The following POU2F1 variants were observed in gnomAD, a reference collection of about 807,000 sequenced individuals.
POU2F1 encodes the protein POU domain, class 2, transcription factor 1.
Under a neutral mutation model 84.9 loss-of-function variants are expected in POU2F1, and 16 were observed. The ratio of observed to expected loss-of-function variants is 0.19; its 90% CI spans 0.13 to 0.29. The LOEUF is 0.29. Among genes scored for constraint, POU2F1 ranks in the 10% least tolerant of loss-of-function variants. The pLI is 1.00. For missense variants in POU2F1, 738 were observed against 942.6 expected (o/e 0.78, Z 2.84); for synonymous variants, 368 against 368.3 (o/e 1.00, Z 0.01).
At position 167,374,290 on chromosome 1, in the gene POU2F1, C is replaced by A. The variant is rs562014026; in HGVS notation, c.585C>A (p.Ile195=). 3.2e-6 allele frequency: 5 copies of A among 1,582,896 alleles called. No individual in the cohort carries two copies. Among genetic ancestry groups the A allele is most frequent in the Non-Finnish European group, 4.3e-6 (5 of 1,165,398 alleles). ...TQIPLSQPIQ[I]AQDLQQLQQL... ...TCCCCCTGTCTCAGCCCATACAGATCGCACAGGTGAGTGAGGAACTCCAAT... is the reference window on the plus strand; with the variant it reads ...TCCCCCTGTCTCAGCCCATACAGATAGCACAGGTGAGTGAGGAACTCCAAT... Residue 195 remains isoleucine, a synonymous_variant, in exon 6 of 16, where the codon ATC becomes ATA. Transcript: ENST00000367866.
Position 167,311,842 on chromosome 1 carries a change from G to A in POU2F1, c.62-20628G>A, listed in dbSNP as rs183392783. On this transcript the variant is annotated intron_variant, in intron 1 of 15. Coordinates refer to ENST00000367866, the MANE Select transcript of POU2F1 (RefSeq NM_002697.4). ...TTTGGAGACAGAGTCTTGCTCTGTC[G>A]CCTAGGCTGGAGTGCATTGGTGCAA... Among the ~76,000 whole-genome samples, 1,019 of 149,728 alleles carry A rather than the reference G, an allele frequency of 6.8e-3. 5 individuals carry two copies. The highest frequency in any genetic ancestry group is 0.014 in the Middle Eastern group (4 of 290).
Position 167,412,047 on chromosome 1 carries a change from T to C in POU2F1, c.1644T>C (p.Ser548=). Residue 548 remains serine (S), a synonymous_variant, in exon 14 of 16, where the codon AGT becomes AGC. Transcript: ENST00000367866. ...CAGCAGTCACGTCCCCCTCTCTGAG[T>C]CCCTCCCCTTCTGCCTCAGCCTCCA... ...ASSAVTSPSL[S]PSPSASASTS... is the part of the protein sequence containing the mutation. 6.2e-7 allele frequency: 1 copy of C among 1,614,040 alleles called. No individual in the cohort carries two copies.
At chr1:167,246,689 GT>G (rs1650343456) in intron 1 of POU2F1, among the ~76,000 whole-genome samples, 1 of 152,170 alleles carries the variant, frequency 6.6e-6, no homozygotes, top group African/African-American at 2.4e-5. Context: ...AACCTGTGCA[GT>G]CTTTTTGTAG....
intron 1 of POU2F1, among the ~76,000 whole-genome samples, chr1:167,261,714 C>G (rs1461526900): frequency 6.6e-6 from 1 of 152,166 alleles, no homozygotes; most frequent in Non-Finnish European, 1.5e-5. Flanking sequence ...GAGTCTTGCT[C>G]TGTTGCCCAG....
In POU2F1 at chr1:167,421,125, A is replaced by G. The variant is rs901024459; in HGVS notation, c.*5315A>G. 1 of 152,334 alleles carries G rather than the reference A, an allele frequency of 6.6e-6. No homozygotes were observed. The highest frequency in any genetic ancestry group is 6.5e-5 in the Admixed American group (1 of 15,304). The allele number at this position is 152,334 out of a possible 1,614,324, so 9.4% of individuals were successfully genotyped here. On this transcript the variant is annotated 3_prime_UTR_variant, in exon 16 of 16. Transcript: ENST00000367866. Reference sequence around the variant, plus strand: ...ATTTGATGTCATTTTCAGTTTTACAACATTTTGAGGATGACACTTTATAAA... The same window carrying G: ...ATTTGATGTCATTTTCAGTTTTACAGCATTTTGAGGATGACACTTTATAAA...
At chr1:167,244,854 C>T (rs1650194014) in intron 1 of POU2F1, among the ~76,000 whole-genome samples, 1 of 152,164 alleles carries the variant, frequency 6.6e-6, no homozygotes, top group South Asian at 2.1e-4. Context: ...AGGATAAGAT[C>T]TTGGGCCTTG....
chr1:167,340,225 A>G (rs1435006439), intron 2 of POU2F1, among the ~76,000 whole-genome samples: 3 of 150,522 alleles, frequency 2.0e-5, no homozygotes, highest in Non-Finnish European at 3.0e-5. Context: ...GATTACAGGC[A>G]TGCAACCACC....
At chr1:167,306,461 TATA>T (rs1363390888) in intron 1 of POU2F1, among the ~76,000 whole-genome samples, 4 of 152,206 alleles carry the variant, frequency 2.6e-5, no homozygotes, top group Non-Finnish European at 5.9e-5. Context: ...TTTATCAAGA[TATA>T]ATACCTTTAT....
intron 1 of POU2F1, among the ~76,000 whole-genome samples, chr1:167,304,045 A>G (rs1186635966): frequency 1.3e-5 from 2 of 152,206 alleles, no homozygotes; most frequent in African/African-American, 2.4e-5. Flanking sequence ...GTAACTTGCG[A>G]AAGAAATTCA....
At chr1:167,385,526 A>G (rs1301255120) in intron 8 of POU2F1, among the ~76,000 whole-genome samples, 2 of 152,184 alleles carry the variant, frequency 1.3e-5, no homozygotes, top group Non-Finnish European at 2.9e-5. Context: ...TATATGGCCA[A>G]CTGATTTGCC....
chr1:167,322,826 C>G (rs1350884944), intron 1 of POU2F1, among the ~76,000 whole-genome samples: 1 of 152,204 alleles, frequency 6.6e-6, no homozygotes, highest in Admixed American at 6.5e-5. Context: ...GAGATGGGCT[C>G]TGGCTGGTTA....
intron 1 of POU2F1, among the ~76,000 whole-genome samples, chr1:167,250,769 T>G (rs1342200422): frequency 1.3e-5 from 2 of 152,232 alleles, no homozygotes; most frequent in Non-Finnish European, 2.9e-5. Context: ...CCTAAACATT[T>G]CAATTTTCTG....
At position 167,412,102 on chromosome 1, in the gene POU2F1, A is replaced by G. The variant is rs756789805; in HGVS notation, c.1699A>G (p.Ser567Gly). The change falls in exon 14 of 16, where the codon AGC becomes GGC. Residue 567 changes from serine to glycine, a missense_variant. Ser to Gly is a moderately conservative substitution (Grantham distance 56, BLOSUM62 0). Coordinates refer to ENST00000367866, the MANE Select transcript of POU2F1 (RefSeq NM_002697.4). ...TSEASSASET[S>G]TTQTTSTPLS... ...CGAGGCATCCAGTGCCAGTGAGACC[A>G]GCACAACACAGACCACCTCCACTCC... 6.2e-7 allele frequency: 1 copy of G among 1,614,162 alleles called. No individual in the cohort carries two copies. Among genetic ancestry groups the G allele is most frequent in the Non-Finnish European group, 8.5e-7 (1 of 1,180,028 alleles).
intron 1 of POU2F1, among the ~76,000 whole-genome samples, chr1:167,223,532 CTA>C (rs1235446130): frequency 2.0e-5 from 3 of 152,188 alleles, no homozygotes; most frequent in African/African-American, 4.8e-5. Context: ...GGGTTTAACA[CTA>C]ATGTGTTAAA....
intron 1 of POU2F1, among the ~76,000 whole-genome samples, chr1:167,299,542 C>CG (rs1654514207): frequency 6.6e-6 from 1 of 152,136 alleles, no homozygotes; most frequent in Non-Finnish European, 1.5e-5. Context: ...CGTGCAAGGA[C>CG]CCTCCTGTCC....
At chr1:167,404,279 T>G (rs919222106) in intron 13 of POU2F1, among the ~76,000 whole-genome samples, 1 of 152,116 alleles carries the variant, frequency 6.6e-6, no homozygotes, top group African/African-American at 2.4e-5. Flanking sequence ...TCTGGTGATT[T>G]TTGTAGTGAT....
intron 1 of POU2F1, among the ~76,000 whole-genome samples, chr1:167,256,365 CTT>C (rs35700112): frequency 3.5e-4 from 44 of 126,598 alleles, no homozygotes; most frequent in Non-Finnish European, 3.3e-4. Flanking sequence ...TAAATTTCTT[CTT>C]TTTTTTTTTT....
At chr1:167,278,076 T>C (rs1187133355) in intron 1 of POU2F1, among the ~76,000 whole-genome samples, 2 of 152,154 alleles carry the variant, frequency 1.3e-5, no homozygotes, top group Non-Finnish European at 2.9e-5. Flanking sequence ...CTGCTACTCT[T>C]AGGATAAAGA....
chr1:167,327,602 C>T (rs1656792698), intron 1 of POU2F1, among the ~76,000 whole-genome samples: 1 of 152,180 alleles, frequency 6.6e-6, no homozygotes, highest in Non-Finnish European at 1.5e-5. Flanking sequence ...TCAGAACTCT[C>T]CTCAAATCTA....
Sources: gnomAD v4.1 joint callset for allele counts (sites outside exome capture counted in the v4.1 genomes callset) on GRCh38, gnomAD v4.1.1 for gene constraint, MANE v1.5 for transcripts, NCBI Gene and HGNC (gene_info 2026-07-23, HGNC 2026-07-21) for gene names.